Variants in TMEM131L observed in about 807,000 individuals in gnomAD.
The protein encoded by TMEM131L is transmembrane 131 like.
In TMEM131L, 54 loss-of-function variants were observed where a neutral mutation model predicts 192.2. That is an observed-to-expected ratio of 0.28 (90% CI 0.23 to 0.35). The LOEUF (loss-of-function observed/expected upper bound fraction) is 0.35. TMEM131L is among the 10% of genes least tolerant of loss of function. TMEM131L has a pLI of 1.00. For synonymous variants in TMEM131L, 701 were observed against 704.9 expected (o/e 0.99, Z 0.09); for missense variants, 1,888 against 1,972.9 (o/e 0.96, Z 0.82).
intron 25 of TMEM131L, among the ~76,000 whole-genome samples, chr4:153,606,476 G>A (rs1016045136): frequency 3.3e-5 from 5 of 152,222 alleles, no homozygotes; most frequent in East Asian, 1.9e-4. Context: ...GATGAGAAAT[G>A]TAGTGTCAGA....
chr4:153,477,779 A>G (rs1731652990), intron 3 of TMEM131L, among the ~76,000 whole-genome samples: 1 of 152,080 alleles, frequency 6.6e-6, no homozygotes, highest in Non-Finnish European at 1.5e-5. Flanking sequence ...TTCTTTTATC[A>G]CCTACTGGCT....
At chr4:153,573,475 C>T (rs753886818) in intron 7 of TMEM131L, among the ~76,000 whole-genome samples, 22 of 152,344 alleles carry the variant, frequency 1.4e-4, no homozygotes, top group South Asian at 8.3e-4. Context: ...AGCCAACATA[C>T]GCTGCCTGAC....
At chr4:153,470,334 A>T (rs1056628080) in intron 2 of TMEM131L, among the ~76,000 whole-genome samples, 1 of 152,200 alleles carries the variant, frequency 6.6e-6, no homozygotes, top group Non-Finnish European at 1.5e-5. Context: ...TGACTGGTAG[A>T]CTTGGGCATT....
chr4:153,635,983 C>T (rs891450112), intron 34 of TMEM131L, among the ~76,000 whole-genome samples: 1 of 152,122 alleles, frequency 6.6e-6, no homozygotes, highest in Admixed American at 6.6e-5. Context: ...TGCCTGTGAG[C>T]ACACCCTCCC....
rs1731888615 is a variant in TMEM131L, at chr4:153,602,162, CAGTA to C, written c.2280_2283del (p.Gln762PhefsTer18). 6.3e-7 allele frequency: 1 copy of C among 1,584,682 alleles called. No homozygotes were observed. Among genetic ancestry groups the C allele is most frequent in the Non-Finnish European group, 8.6e-7 (1 of 1,163,094 alleles). On this transcript the variant is annotated frameshift_variant, in exon 22 of 35. Transcript: ENST00000409959. LOFTEE classifies it high-confidence loss of function. Reference sequence around the variant, plus strand: ...TTTGGTTCCCATTAGAACTGAAAGACAGTAAGCAAATTTTATCTATTACAAAGAA... The same window carrying C: ...TTTGGTTCCCATTAGAACTGAAAGACAGCAAATTTTATCTATTACAAAGAA...
In TMEM131L at chr4:153,602,261, C is replaced by T. The variant is rs1380193053; in HGVS notation, c.2376C>T (p.Cys792=). The change falls in exon 22 of 35, where the codon TGC becomes TGT. Residue 792 remains cysteine, a synonymous_variant. Transcript: ENST00000409959. ...VSSLKINGYN[C]QGYGFEVLDC... is the part of the protein sequence containing the mutation. ...CTCTGAAAATTAATGGGTATAACTG[C>T]CAAGGTTATGGATTCGAGGTGCTGG... 1.9e-6 allele frequency: 3 copies of T among 1,613,620 alleles called. No individual in the cohort carries two copies. The highest frequency in any genetic ancestry group is 1.7e-5 in the Admixed American group (1 of 59,868).
At chr4:153,589,042 TG>T in intron 16 of TMEM131L, 35 bp downstream of exon 16, 2 of 1,135,310 alleles carry the variant, frequency 1.8e-6, no homozygotes, top group African/African-American at 3.0e-5. Context: ...TGTTCGGTGG[TG>T]GGGAGACACT....
intron 26 of TMEM131L, among the ~76,000 whole-genome samples, chr4:153,617,894 C>A (rs1391977737): frequency 7.9e-6 from 1 of 127,134 alleles, no homozygotes; most frequent in Non-Finnish European, 1.8e-5. Context: ...GCATTTGTTT[C>A]ATGAATTTAT....
chr4:153,515,279 C>G (rs1734655036), intron 3 of TMEM131L, among the ~76,000 whole-genome samples: 1 of 152,224 alleles, frequency 6.6e-6, no homozygotes. Context: ...CCCTGACAAC[C>G]TCTAATCTAC....
In TMEM131L at chr4:153,496,060, C is replaced by T. The variant is rs1035212625; in HGVS notation, c.239+22172C>T. 2.6e-5 allele frequency among the ~76,000 whole-genome samples: 4 copies of T among 152,124 alleles called. No individual in the cohort carries two copies. In the East Asian group the frequency reaches 5.8e-4, roughly 22 times the overall value. ...ACAAGGCCTCCGAATGCCAAGCTAG[C>T]CCCTCTCGAGGGCGGCGAGACCTGA... On this transcript the variant is annotated intron_variant, in intron 3 of 34. Coordinates refer to ENST00000409959, the MANE Select transcript of TMEM131L (RefSeq NM_001131007.2).
At chr4:153,499,781 G>A (rs1733461877) in intron 3 of TMEM131L, among the ~76,000 whole-genome samples, 1 of 152,168 alleles carries the variant, frequency 6.6e-6, no homozygotes, top group Non-Finnish European at 1.5e-5. Flanking sequence ...CACTTCACGT[G>A]ATGGGAAGTT....
At chr4:153,635,017 C>T (rs1281300370) in intron 33 of TMEM131L, among the ~76,000 whole-genome samples, 2 of 152,092 alleles carry the variant, frequency 1.3e-5, no homozygotes, top group East Asian at 1.9e-4. Context: ...TCTAAGGAGT[C>T]CTTGGTTTTG....
intron 3 of TMEM131L, among the ~76,000 whole-genome samples, chr4:153,542,904 G>C (rs1736900934): frequency 6.6e-6 from 1 of 152,196 alleles, no homozygotes; most frequent in African/African-American, 2.4e-5. Flanking sequence ...CTCCTCCTTG[G>C]ATAGTGTGGA....
chr4:153,593,231 A>G (rs1731194662), intron 18 of TMEM131L, among the ~76,000 whole-genome samples: 1 of 152,164 alleles, frequency 6.6e-6, no homozygotes, highest in South Asian at 2.1e-4. Flanking sequence ...CTTCTCGTTT[A>G]GTAAGATCGA....
intron 25 of TMEM131L, among the ~76,000 whole-genome samples, chr4:153,609,584 T>G (rs1481011914): frequency 6.6e-6 from 1 of 152,222 alleles, no homozygotes; most frequent in Admixed American, 6.5e-5. Context: ...GTTGTTAACA[T>G]TCATTTTATT....
chr4:153,618,543 T>C (rs1180737330), intron 26 of TMEM131L, among the ~76,000 whole-genome samples: 3 of 149,732 alleles, frequency 2.0e-5, no homozygotes, highest in Non-Finnish European at 1.5e-5. Context: ...TGACGATAAC[T>C]AAGTCTCATT....
chr4:153,604,061 G>A lies in TMEM131L; in HGVS notation c.3049G>A (p.Ala1017Thr). The A allele has an allele frequency of 6.2e-7, 1 of 1,614,192 alleles. No homozygotes were observed. The highest frequency in any genetic ancestry group is 8.5e-7 in the Non-Finnish European group (1 of 1,180,028). The change falls in exon 25 of 35, where the codon GCT becomes ACT. Residue 1017 changes from alanine to threonine, a missense_variant. Transcript: ENST00000409959. ...TSPLGSSLPA[A>T]KEDICTDAMR... ...ACCCCTGGGCAGCTCACTGCCTGCT[G>A]CTAAAGAGGACATTTGCACTGATGC...
At chr4:153,522,706 C>T (rs1735205032) in intron 3 of TMEM131L, among the ~76,000 whole-genome samples, 1 of 152,200 alleles carries the variant, frequency 6.6e-6, no homozygotes, top group Non-Finnish European at 1.5e-5. Context: ...TTAATAAATG[C>T]TTCTTGGAAT....
intron 15 of TMEM131L, among the ~76,000 whole-genome samples, 188 bp downstream of exon 15, chr4:153,587,999 A>C (rs963694708): frequency 1.3e-5 from 2 of 151,252 alleles, no homozygotes; most frequent in South Asian, 4.2e-4. Context: ...GGTACTGTAA[A>C]TAATGCCCCT....
Sources: allele counts gnomAD v4.1 joint callset (sites outside exome capture counted in the v4.1 genomes callset), GRCh38; gene constraint gnomAD v4.1.1; transcripts MANE v1.5; gene names NCBI Gene and HGNC (gene_info 2026-07-23, HGNC 2026-07-21).